Variants in MDM4 observed in about 807,000 individuals in gnomAD.
MDM4 encodes protein Mdm4.
A neutral mutation model predicts 60.2 loss-of-function variants in MDM4; 2 were observed. The observed-to-expected ratio is 0.03, with a 90% CI of 0.01 to 0.10. The LOEUF is 0.10. MDM4 is among the 10% of genes least tolerant of loss of function. The probability of loss-of-function intolerance (pLI) is 1.00; values close to 1 mark genes in which losing one functional copy is unlikely to be tolerated. For synonymous variants in MDM4, 202 were observed against 198.1 expected (o/e 1.02, Z -0.17); for missense variants, 447 against 577.5 (o/e 0.77, Z 2.32).
At chr1:204,517,455 G>A (rs1659101010) in intron 1 of MDM4, among the ~76,000 whole-genome samples, 1 of 151,766 alleles carries the variant, frequency 6.6e-6, no homozygotes, top group African/African-American at 2.4e-5. Flanking sequence ...CCAGGCTGGC[G>A]TGCAGTGGCG....
chr1:204,554,346 A>C lies in MDM4; in HGVS notation c.*4664A>C, dbSNP rs1481719097. On this transcript the variant is annotated 3_prime_UTR_variant, in exon 11 of 11. Transcript: ENST00000367182. ...AGTCAGTTATCTGCTTAAATTGTTC[A>C]GAACTATATCCTAACGAGCAATTAG... 4.4e-6 allele frequency: 1 copy of C among 225,776 alleles called. No individual in the cohort carries two copies. The highest frequency in any genetic ancestry group is 5.7e-5 in the Admixed American group (1 of 17,526). 14.0% of individuals were successfully genotyped at this position (225,776 alleles called of 1,614,324 possible).
At chr1:204,517,429 GT>G (rs1041432441) in intron 1 of MDM4, among the ~76,000 whole-genome samples, 22 of 151,878 alleles carry the variant, frequency 1.4e-4, no homozygotes, top group African/African-American at 4.6e-4. Context: ...TTTGAGTGGA[GT>G]TTCGCTCTTT....
rs560665658 is a variant in MDM4, at chr1:204,554,976, C to T, written c.*5294C>T. The T allele has an allele frequency of 3.7e-4, 81 of 219,856 alleles. 3 individuals are homozygous for T. In the South Asian group the frequency reaches 0.015, roughly 41 times the overall value. 13.6% of individuals were successfully genotyped at this position (219,856 alleles called of 1,614,324 possible). A position where few individuals can be genotyped will look rare whatever the true frequency, so the allele number is the denominator to read the frequency against. On this transcript the variant is annotated 3_prime_UTR_variant, in exon 11 of 11. Transcript: ENST00000367182. The stretch of plus-strand genomic sequence containing the variant: ...GGATTTGCTGCACCTCTACCAATAG[C>T]CTTTTGAATGACTGAAAGTGTTAAC...
chr1:204,527,704 G>A (rs1660356295), intron 3 of MDM4, among the ~76,000 whole-genome samples: 1 of 142,652 alleles, frequency 7.0e-6, no homozygotes, highest in Non-Finnish European at 1.5e-5. Context: ...TTAAACACAT[G>A]CATTTAAATA....
intron 3 of MDM4, 139 bp from the exon 4 acceptor site, chr1:204,530,545 A>G: frequency 1.9e-6 from 2 of 1,044,124 alleles, no homozygotes; most frequent in Non-Finnish European, 2.8e-6. Context: ...CTGTTGTAGG[A>G]CCCCTTACAC....
At chr1:204,540,516 A>G (rs2102408633) in intron 7 of MDM4, among the ~76,000 whole-genome samples, 1 of 151,962 alleles carries the variant, frequency 6.6e-6, no homozygotes, top group East Asian at 1.9e-4. Flanking sequence ...TAATCCTAGC[A>G]CTTTGGGAGG....
At chr1:204,517,252 AAAG>A (rs1433966566) in intron 1 of MDM4, among the ~76,000 whole-genome samples, 22 of 151,994 alleles carry the variant, frequency 1.4e-4, no homozygotes, top group African/African-American at 5.1e-4. Context: ...AAAAAAAAAA[AAAG>A]AAAAAATGTT....
At position 204,544,642 on chromosome 1, in the gene MDM4, T is replaced by C. The variant is rs201605126; in HGVS notation, c.780T>C (p.Thr260=). 1.4e-4 allele frequency: 228 copies of C among 1,613,420 alleles called. No homozygotes were observed. Among genetic ancestry groups the C allele is most frequent in the Non-Finnish European group, 4.7e-5 (55 of 1,179,638 alleles). Residue 260 remains threonine, a synonymous_variant, in exon 9 of 11, where the codon ACT becomes ACC. Coordinates refer to ENST00000367182, the MANE Select transcript of MDM4 (RefSeq NM_002393.5). The stretch of plus-strand genomic sequence containing the variant: ...GAATAAAAGTTGAAGCTGCTGATAC[T>C]GAACAAACAAGTGAAGAAGTAGGGA... ...GVGIKVEAAD[T]EQTSEEVGKV...
chr1:204,526,756 C>T (rs913454528), intron 3 of MDM4, among the ~76,000 whole-genome samples: 1 of 152,058 alleles, frequency 6.6e-6, no homozygotes, highest in Non-Finnish European at 1.5e-5. Context: ...AGCCACCGCG[C>T]CTGGCCAAAT....
rs71147703 is a variant in MDM4, at chr1:204,552,872, C to CTTTTTTTTTTTTTTTT, written c.*3191_*3206dup. On this transcript the variant is annotated 3_prime_UTR_variant, in exon 11 of 11. Transcript: ENST00000367182. ...AACTTTAAACTATTTCTTTTCTTTTCTTTTTTTTTTTTTTTTACTTGAGAT... is the reference window on the plus strand; with the variant it reads ...AACTTTAAACTATTTCTTTTCTTTTCTTTTTTTTTTTTTTTTTTTTTTTTTTTTTTTTACTTGAGAT... 1.5e-5 allele frequency: 2 copies of CTTTTTTTTTTTTTTTT among 133,572 alleles called. No homozygotes were observed. Among genetic ancestry groups the CTTTTTTTTTTTTTTTT allele is most frequent in the Non-Finnish European group, 1.6e-5 (1 of 62,478 alleles). 8.3% of individuals were successfully genotyped at this position (133,572 alleles called of 1,614,324 possible). A position where few individuals can be genotyped will look rare whatever the true frequency, so the allele number is the denominator to read the frequency against.
chr1:204,553,493 A>G lies in MDM4; in HGVS notation c.*3811A>G, dbSNP rs575135250. The G allele has an allele frequency of 2.6e-5, 6 of 226,536 alleles. No homozygotes were observed. Among genetic ancestry groups the G allele is most frequent in the Admixed American group, 1.7e-4 (3 of 17,544 alleles). 14.0% of individuals were successfully genotyped at this position (226,536 alleles called of 1,614,324 possible). A position where few individuals can be genotyped will look rare whatever the true frequency, so the allele number is the denominator to read the frequency against. ...TTATATGGTCACCTAGTTATAGGTA[A>G]GCCTTGTTCGAGTTGATATCTTGAT... On this transcript the variant is annotated 3_prime_UTR_variant, in exon 11 of 11. Transcript: ENST00000367182.
intron 9 of MDM4, among the ~76,000 whole-genome samples, chr1:204,545,389 AT>A (rs1049352948): frequency 6.6e-6 from 1 of 152,248 alleles, no homozygotes; most frequent in Non-Finnish European, 1.5e-5. Context: ...GTATGTACTC[AT>A]GTACAGATGA....
chr1:204,533,575 C>A (rs919174635), intron 5 of MDM4, among the ~76,000 whole-genome samples: 4 of 152,280 alleles, frequency 2.6e-5, no homozygotes, highest in Admixed American at 2.6e-4. Context: ...TCAGGCTGAT[C>A]TTGAGCTCCT....
At chr1:204,532,765 G>A (rs1310829579) in intron 5 of MDM4, 10 of 1,609,460 alleles carry the variant, frequency 6.2e-6, no homozygotes, top group African/African-American at 2.7e-5. Flanking sequence ...TTTACGTGTT[G>A]AAGAAATGGG....
At position 204,556,780 on chromosome 1, in the gene MDM4, C is replaced by A; in HGVS notation, c.*7098C>A. ...TTTTCACTTTCTTTTCAATGAGAAT[C>A]GAAGTGTTTCTTTTGGGTTTTTTTT... On this transcript the variant is annotated 3_prime_UTR_variant, in exon 11 of 11. Transcript: ENST00000367182. 1 of 213,902 alleles carries A rather than the reference C, an allele frequency of 4.7e-6. No individual in the cohort carries two copies. The highest frequency in any genetic ancestry group is 9.5e-6 in the Non-Finnish European group (1 of 105,820). The allele number at this position is 213,902 out of a possible 1,614,324, so 13.3% of individuals were successfully genotyped here.
chr1:204,526,622 C>T (rs1660195296), intron 3 of MDM4, among the ~76,000 whole-genome samples, 188 bp downstream of exon 3: 1 of 152,008 alleles, frequency 6.6e-6, no homozygotes, highest in Non-Finnish European at 1.5e-5. Flanking sequence ...TGCTGCCACG[C>T]CCGGCTAATT....
chr1:204,544,401 G>A, intron 8 of MDM4, 134 bp from the exon 9 acceptor site: 1 of 756,798 alleles, frequency 1.3e-6, no homozygotes, highest in South Asian at 1.9e-5. Flanking sequence ...ATGAATACAT[G>A]TCCACTGAAT....
chr1:204,544,486 C>T lies in MDM4; in HGVS notation c.673-49C>T, dbSNP rs368698165. 3.9e-6 allele frequency: 6 copies of T among 1,555,634 alleles called. No homozygotes were observed. In the African/African-American group the frequency reaches 5.5e-5, roughly 14 times the overall value. On this transcript the variant is annotated intron_variant, in intron 8 of 10. Coordinates refer to ENST00000367182, the MANE Select transcript of MDM4 (RefSeq NM_002393.5). ...GTTCATTTGTGTTGTTTCAACATCTCTGATAAACCTCTGAATACAGAAACT... is the reference window on the plus strand; with the variant it reads ...GTTCATTTGTGTTGTTTCAACATCTTTGATAAACCTCTGAATACAGAAACT...
intron 7 of MDM4, among the ~76,000 whole-genome samples, chr1:204,540,951 T>C (rs1182586376): frequency 6.6e-6 from 1 of 152,192 alleles, no homozygotes; most frequent in Non-Finnish European, 1.5e-5. Context: ...GCTGAAGTTA[T>C]TTTAAAAGCT....
Sources: gnomAD v4.1 joint callset for allele counts (sites outside exome capture counted in the v4.1 genomes callset) on GRCh38, gnomAD v4.1.1 for gene constraint, MANE v1.5 for transcripts, NCBI Gene and HGNC (gene_info 2026-07-23, HGNC 2026-07-21) for gene names.